MCTP1: variants seen among roughly 807,000 people sequenced by gnomAD.
MCTP1 encodes multiple C2 and transmembrane domain containing 1, also known as multiple C2 and transmembrane domain-containing protein 1.
A neutral mutation model predicts 120.6 loss-of-function variants in MCTP1; 69 were observed. The observed-to-expected ratio is 0.57, with a 90% confidence interval of 0.47 to 0.70. The LOEUF (loss-of-function observed/expected upper bound fraction) is 0.70. Ranked by LOEUF, MCTP1 falls within the 30% of genes least tolerant of loss-of-function variation. The pLI is 0.00. For missense variants in MCTP1, 1,203 were observed against 1,248.8 expected (o/e 0.96, Z 0.55); for synonymous variants, 529 against 493.1 (o/e 1.07, Z -0.96).
chr5:95,228,339 A>G (rs2152637625), intron 1 of MCTP1, among the ~76,000 whole-genome samples: 1 of 152,298 alleles, frequency 6.6e-6, no homozygotes, highest in East Asian at 1.9e-4. Flanking sequence ...TACTGCCAAT[A>G]CCAGATGGGA....
chr5:95,017,190 A>G (rs1383777806), intron 2 of MCTP1, among the ~76,000 whole-genome samples, 177 bp downstream of exon 2: 2 of 152,074 alleles, frequency 1.3e-5, no homozygotes, highest in Non-Finnish European at 2.9e-5. Flanking sequence ...CTTGCATCAA[A>G]ACGTCTTCCA....
At chr5:95,201,316 G>C (rs1232377071) in intron 1 of MCTP1, among the ~76,000 whole-genome samples, 1 of 152,042 alleles carries the variant, frequency 6.6e-6, no homozygotes, top group African/African-American at 2.4e-5. Context: ...ATTTTAACAA[G>C]AGCCTTCATT....
chr5:94,815,299 T>G (rs1293553402), intron 17 of MCTP1, among the ~76,000 whole-genome samples: 2 of 152,176 alleles, frequency 1.3e-5, no homozygotes, highest in Non-Finnish European at 2.9e-5. Context: ...TGATAAAGCT[T>G]AATACATGTG....
chr5:94,894,906 G>T (rs1011656244), intron 10 of MCTP1, 71 bp from the exon 11 acceptor site: 61 of 907,972 alleles, frequency 6.7e-5, no homozygotes, highest in Non-Finnish European at 9.4e-5. Context: ...GCTGTTCAGA[G>T]TTCTATGAAA....
intron 17 of MCTP1, among the ~76,000 whole-genome samples, chr5:94,810,788 C>T (rs1385015024): frequency 6.6e-6 from 1 of 152,130 alleles, no homozygotes; most frequent in Non-Finnish European, 1.5e-5. Flanking sequence ...GACTATCTTC[C>T]CTGGGCTACT....
intron 17 of MCTP1, among the ~76,000 whole-genome samples, chr5:94,828,557 C>T (rs1392194372): frequency 2.6e-5 from 4 of 152,214 alleles, no homozygotes; most frequent in Admixed American, 1.3e-4. Flanking sequence ...CTCCCACAGT[C>T]GCCCCTTCCC....
At chr5:94,727,457 T>C (rs1317679854) in intron 19 of MCTP1, among the ~76,000 whole-genome samples, 1 of 152,226 alleles carries the variant, frequency 6.6e-6, no homozygotes, top group Admixed American at 6.5e-5. Flanking sequence ...AGATGGACTG[T>C]GACTGGAATC....
In MCTP1 at chr5:94,947,577, T is replaced by TATATATATATATATATATAGAGAG; in HGVS notation, c.982-5151_982-5150insCTCTCTATATATATATATATATAT. 5.5e-4 allele frequency among the ~76,000 whole-genome samples: 26 copies of TATATATATATATATATATAGAGAG among 47,378 alleles called. 1 individual carries two copies. The highest frequency in any genetic ancestry group is 7.2e-4 in the Non-Finnish European group (18 of 24,996). The allele number at this position is 47,378 out of a possible 152,430, so 31.1% of individuals were successfully genotyped here. The stretch of plus-strand genomic sequence containing the variant: ...CTAAATATATATATATATATATATA[T>TATATATATATATATATATAGAGAG]AGAGAGAGAGAGAGAGAGAGAGAGA... On this transcript the variant is annotated intron_variant, in intron 3 of 22. Coordinates refer to ENST00000515393, the MANE Select transcript of MCTP1 (RefSeq NM_024717.7).
At chr5:95,231,727 C>T (rs1754971491) in intron 1 of MCTP1, among the ~76,000 whole-genome samples, 1 of 152,020 alleles carries the variant, frequency 6.6e-6, no homozygotes, top group East Asian at 1.9e-4. Context: ...ATTTATATAT[C>T]TTTCAAAGAT....
intron 1 of MCTP1, among the ~76,000 whole-genome samples, chr5:95,113,596 C>T (rs1404800308): frequency 7.2e-5 from 11 of 152,140 alleles, no homozygotes; most frequent in Admixed American, 1.3e-4. Context: ...TTTAAACCAG[C>T]CCTAGCCAGA....
intron 2 of MCTP1, among the ~76,000 whole-genome samples, chr5:94,976,010 G>A (rs138129094): frequency 7.9e-5 from 12 of 152,130 alleles, no homozygotes; most frequent in South Asian, 4.2e-4. Flanking sequence ...ATGTATCATC[G>A]CATAATAACA....
intron 19 of MCTP1, among the ~76,000 whole-genome samples, chr5:94,728,647 G>T (rs1235349724): frequency 6.6e-6 from 1 of 152,184 alleles, no homozygotes; most frequent in Admixed American, 6.5e-5. Flanking sequence ...ATGAAATCAT[G>T]TGTGTAAAGC....
intron 10 of MCTP1, among the ~76,000 whole-genome samples, chr5:94,904,208 C>T (rs1806215114): frequency 6.6e-6 from 1 of 152,184 alleles, no homozygotes; most frequent in South Asian, 2.1e-4. Context: ...CACTCCATGG[C>T]TCCAGGACAA....
chr5:94,846,456 A>G (rs1792384803), intron 17 of MCTP1, among the ~76,000 whole-genome samples: 1 of 152,108 alleles, frequency 6.6e-6, no homozygotes, highest in African/African-American at 2.4e-5. Context: ...AACAACAAGA[A>G]CACGTGGACA....
rs570252113 is a variant in MCTP1, at chr5:95,086,946, G to A, written c.721-69462C>T. Among the ~76,000 whole-genome samples the A allele has an allele frequency of 4.6e-5, 7 of 152,292 alleles. 1 individual carries two copies. The South Asian group carries it at 1.5e-3, about 32-fold the overall frequency. ...ACATTTGCAAACAATGCATCCAAATGTATCTCTTTTGTAAATACAGATGTT... is the reference window on the plus strand; with the variant it reads ...ACATTTGCAAACAATGCATCCAAATATATCTCTTTTGTAAATACAGATGTT... On this transcript the variant is annotated intron_variant, in intron 1 of 22. Coordinates refer to ENST00000515393, the MANE Select transcript of MCTP1 (RefSeq NM_024717.7).
Position 95,284,086 on chromosome 5 carries a change from A to ATGAGGCGGAGGAAGAGGAAGGAGC in MCTP1, c.466_489dup (p.Ala156_Ser163dup). 6.4e-7 allele frequency: 1 copy of ATGAGGCGGAGGAAGAGGAAGGAGC among 1,550,468 alleles called. No individual in the cohort carries two copies. The highest frequency in any genetic ancestry group is 8.7e-7 in the Non-Finnish European group (1 of 1,146,808). On this transcript the variant is annotated inframe_insertion, in exon 1 of 23. Coordinates refer to ENST00000515393, the MANE Select transcript of MCTP1 (RefSeq NM_024717.7). The surrounding 1 kb of genome is among the most constrained non-coding windows in gnomAD (Gnocchi z 5.2). The stretch of plus-strand genomic sequence containing the variant: ...GGCTGGGGCGAGGAGGACAGGGAGG[A>ATGAGGCGGAGGAAGAGGAAGGAGC]TGAGGCGGAGGAAGAGGAAGGAGCT...
At chr5:94,724,630 A>T (rs895047896) in intron 19 of MCTP1, among the ~76,000 whole-genome samples, 13 of 152,210 alleles carry the variant, frequency 8.5e-5, no homozygotes, top group Non-Finnish European at 1.5e-4. Flanking sequence ...CCAATGGGTT[A>T]CATCAGAGAC....
chr5:94,905,053 G>T (rs1806458692), intron 10 of MCTP1, among the ~76,000 whole-genome samples: 1 of 152,178 alleles, frequency 6.6e-6, no homozygotes, highest in East Asian at 1.9e-4. Flanking sequence ...TTTTAAATAG[G>T]CTTGGTATGG....
At chr5:94,836,779 C>A (rs1248491409) in intron 17 of MCTP1, among the ~76,000 whole-genome samples, 3 of 152,060 alleles carry the variant, frequency 2.0e-5, no homozygotes, top group South Asian at 4.1e-4. Flanking sequence ...GACAAAAGGG[C>A]AAGATAAGCA....
Sources: gnomAD v4.1 joint callset for allele counts (sites outside exome capture counted in the v4.1 genomes callset) on GRCh38, gnomAD v4.1.1 for gene constraint, Gnocchi (gnomAD v3.1) non-coding constraint, MANE v1.5 for transcripts, NCBI Gene and HGNC (gene_info 2026-07-23, HGNC 2026-07-21) for gene names.